The following PCIF1 variants were observed in gnomAD, a reference collection of about 807,000 sequenced individuals.
PCIF1 encodes the protein mRNA (2'-O-methyladenosine-N(6)-)-methyltransferase.
A neutral mutation model predicts 86.9 loss-of-function variants in PCIF1; 12 were observed. The ratio of observed to expected loss-of-function variants is 0.14; its 90% CI spans 0.09 to 0.22. The LOEUF is 0.22. PCIF1 is among the 10% of genes least tolerant of loss of function. PCIF1 has a pLI of 1.00. For missense variants in PCIF1, 701 were observed against 951.1 expected (o/e 0.74, Z 3.46); for synonymous variants, 397 against 372.0 (o/e 1.07, Z -0.77).
chr20:45,938,442 C>A (rs1227955426), intron 2 of PCIF1, among the ~76,000 whole-genome samples: 1 of 152,194 alleles, frequency 6.6e-6, no homozygotes, highest in Non-Finnish European at 1.5e-5. Flanking sequence ...AATCGCTTCT[C>A]AAGGGCAGAC....
rs760119039 is a variant in PCIF1 at position 45,934,783 on chromosome 20, C to T, written c.-209C>T. 1.5e-4 allele frequency: 59 copies of T among 398,162 alleles called. No homozygotes were observed. The highest frequency in any genetic ancestry group is 2.4e-4 in the Non-Finnish European group (54 of 225,772). 24.7% of individuals were successfully genotyped at this position (398,162 alleles called of 1,614,324 possible). On this transcript the variant is annotated 5_prime_UTR_variant, in exon 1 of 17. Coordinates refer to ENST00000372409, the MANE Select transcript of PCIF1 (RefSeq NM_022104.4). ...GTCGAGCAGAACGTGTAGCCGCGTC[C>T]CCTCCAGTCCGCTCCGGGCAGGTAA...
rs2083495301 is a variant in PCIF1 at position 45,943,556 on chromosome 20, A to AC, written c.906-109dup. On this transcript the variant is annotated intron_variant, in intron 9 of 16. Coordinates refer to ENST00000372409, the MANE Select transcript of PCIF1 (RefSeq NM_022104.4). This position sits in a 1 kb window ranked among gnomAD's most constrained non-coding sequence, Gnocchi z 5.5. ...AGTGGGGCCAGCTCCCAAAGGCAGAACAAGGGCTGTGATGGAAGCTAGGGG... is the reference window on the plus strand; with the variant it reads ...AGTGGGGCCAGCTCCCAAAGGCAGAACCAAGGGCTGTGATGGAAGCTAGGGG... 8.9e-6 allele frequency: 12 copies of AC among 1,355,814 alleles called. No individual in the cohort carries two copies. The highest frequency in any genetic ancestry group is 1.0e-5 in the Non-Finnish European group (10 of 976,550). The allele number at this position is 1,355,814 out of a possible 1,614,324, so 84.0% of individuals were successfully genotyped here. A position where few individuals can be genotyped will look rare whatever the true frequency, so the allele number is the denominator to read the frequency against.
In PCIF1 at chr20:45,939,278, T is replaced by A. The variant is rs923767404; in HGVS notation, c.188T>A (p.Phe63Tyr). The A allele has an allele frequency of 1.4e-5, 22 of 1,613,716 alleles. No homozygotes were observed. The highest frequency in any genetic ancestry group is 1.7e-5 in the Non-Finnish European group (20 of 1,180,004). ...WSRRENRPYY[F>Y]NRFTNQSLWE... ...CGGAGGGAGAATCGTCCCTACTACT[T>A]CAACCGATTCACCAACCAGTCCCTG... The change falls in exon 4 of 17, where the codon TTC becomes TAC. Residue 63 changes from phenylalanine (F) to tyrosine (Y), a missense_variant. Coordinates refer to ENST00000372409, the MANE Select transcript of PCIF1 (RefSeq NM_022104.4).
At chr20:45,945,470 G>C (rs1568796310) in intron 11 of PCIF1, among the ~76,000 whole-genome samples, 1 of 152,224 alleles carries the variant, frequency 6.6e-6, no homozygotes, top group South Asian at 2.1e-4. Flanking sequence ...ACAGCCCAAG[G>C]CACGGCATAC....
In PCIF1 at chr20:45,942,067, C is replaced by T. The variant is rs527901264; in HGVS notation, c.673+860C>T. ...CTCGGCTCACTGCAACCTCCACCTC[C>T]CGGGTTCAAGCGATTCTTCTGCCTC... is the stretch of plus-strand genomic sequence containing the variant. On this transcript the variant is annotated intron_variant, in intron 7 of 16. Transcript: ENST00000372409. Among the ~76,000 whole-genome samples, 950 of 151,022 alleles carry T rather than the reference C, an allele frequency of 6.3e-3. 4 individuals carry two copies. Among genetic ancestry groups the T allele is most frequent in the Non-Finnish European group, 8.4e-3 (570 of 67,774 alleles).
rs1249499820 is a variant in PCIF1, at chr20:45,947,002, G to C, written c.1614-71G>C. The C allele has an allele frequency of 4.1e-5, 55 of 1,334,780 alleles. 1 individual carries two copies. Among genetic ancestry groups the C allele is most frequent in the Non-Finnish European group, 5.6e-5 (53 of 950,224 alleles). 82.7% of individuals were successfully genotyped at this position (1,334,780 alleles called of 1,614,324 possible). On this transcript the variant is annotated intron_variant, in intron 14 of 16. Transcript: ENST00000372409. The surrounding 1 kb of genome is among the most constrained non-coding windows in gnomAD (Gnocchi z 5.4). ...TCTTCAGTGTGGCTGCCTAGGGTTG[G>C]GGGGTGGCACCTGTTTCTGGTTGAG...
In PCIF1 at chr20:45,944,885, G is replaced by A. The variant is rs745384165; in HGVS notation, c.1023G>A (p.Leu341=). The change falls in exon 11 of 17, where the codon CTG becomes CTA. Residue 341 remains leucine, a synonymous_variant. Transcript: ENST00000372409. ...TCCTCTAGGATCGCCTGGAGCATCT[G>A]CGGAGGCAGTGTGGCCCCCACGTCT... is the stretch of plus-strand genomic sequence containing the variant. ...KEDYMDRLEH[L]RRQCGPHVSA... 2 of 1,613,860 alleles carry A rather than the reference G, an allele frequency of 1.2e-6. No individual in the cohort carries two copies. Among genetic ancestry groups the A allele is most frequent in the Non-Finnish European group, 8.5e-7 (1 of 1,179,888 alleles).
Position 45,943,191 on chromosome 20 carries a change from A to G in PCIF1, c.768A>G (p.Glu256=), listed in dbSNP as rs565847900. 2 of 1,614,108 alleles carry G rather than the reference A, an allele frequency of 1.2e-6. No homozygotes were observed. The highest frequency in any genetic ancestry group is 1.7e-5 in the Admixed American group (1 of 60,008). Residue 256 remains glutamate (E), a synonymous_variant, in exon 8 of 17, where the codon GAA becomes GAG. Coordinates refer to ENST00000372409, the MANE Select transcript of PCIF1 (RefSeq NM_022104.4). This position sits in a 1 kb window ranked among gnomAD's most constrained non-coding sequence, Gnocchi z 5.5. ...GSDPLLPSNC[E]PVVSPSMFRE... ...ACCCCCTGTTGCCCAGCAACTGTGA[A>G]CCAGTCGTGTCACCTTCCATGTTTC...
Position 45,946,063 on chromosome 20 carries a change from C to G in PCIF1, c.1376C>G (p.Ser459Cys), listed in dbSNP as rs764873141. The change falls in exon 13 of 17, where the codon TCT (serine) becomes TGT (cysteine). Residue 459 changes from serine (S) to cysteine (C), a missense_variant. Transcript: ENST00000372409. ...TACCGCTACAGCTGCATTGATGACT[C>G]TGCCTTTGAGAGGTTCCTGCCCCGG... ...LLYRYSCIDD[S>C]AFERFLPRVW... 1.2e-6 allele frequency: 2 copies of G among 1,614,200 alleles called. No individual in the cohort carries two copies. Among genetic ancestry groups the G allele is most frequent in the Non-Finnish European group, 1.7e-6 (2 of 1,180,036 alleles).
intron 4 of PCIF1, 39 bp downstream of exon 4, chr20:45,939,378 C>G (rs767219580): frequency 6.2e-7 from 1 of 1,609,906 alleles, no homozygotes; most frequent in Admixed American, 1.7e-5. Context: ...TCAGAGTGGC[C>G]TCTGGCACCT....
Position 45,934,691 on chromosome 20 carries a change from C to G in PCIF1, c.-301C>G. On this transcript the variant is annotated 5_prime_UTR_variant, in exon 1 of 17. Transcript: ENST00000372409. ...ACCAGCGCATGCGCAGCGCGGAGTC[C>G]CGGCCCGGGACACAAGATGGCGGCA... is the stretch of plus-strand genomic sequence containing the variant. The G allele has an allele frequency of 2.5e-6, 1 of 398,578 alleles. No homozygotes were observed. 24.7% of individuals were successfully genotyped at this position (398,578 alleles called of 1,614,324 possible). A position where few individuals can be genotyped will look rare whatever the true frequency, so the allele number is the denominator to read the frequency against.
Position 45,947,978 on chromosome 20 carries a change from C to T in PCIF1, c.*223C>T. 1 of 1,525,914 alleles carries T rather than the reference C, an allele frequency of 6.6e-7. No homozygotes were observed. Among genetic ancestry groups the T allele is most frequent in the Non-Finnish European group, 8.8e-7 (1 of 1,140,160 alleles). The allele number at this position is 1,525,914 out of a possible 1,614,324, so 94.5% of individuals were successfully genotyped here. A position where few individuals can be genotyped will look rare whatever the true frequency, so the allele number is the denominator to read the frequency against. On this transcript the variant is annotated 3_prime_UTR_variant, in exon 17 of 17. Transcript: ENST00000372409. The surrounding 1 kb of genome is among the most constrained non-coding windows in gnomAD (Gnocchi z 5.4). ...CCAACCCCGCCCCTCACCCTGTTGC[C>T]ACCTTGTTTCATTTGTAAAAGGAAA...
rs758774209 is a variant in PCIF1 at position 45,946,073 on chromosome 20, G to A, written c.1386G>A (p.Glu462=). The A allele has an allele frequency of 2.4e-5, 38 of 1,614,076 alleles. No homozygotes were observed. The highest frequency in any genetic ancestry group is 3.0e-5 in the Non-Finnish European group (35 of 1,180,024). The change falls in exon 13 of 17, where the codon GAG becomes GAA. Residue 462 remains glutamate (E), a synonymous_variant. Transcript: ENST00000372409. ...GCTGCATTGATGACTCTGCCTTTGA[G>A]AGGTTCCTGCCCCGGGTCTGGTGTC... ...RYSCIDDSAF[E]RFLPRVWCLL...
intron 1 of PCIF1, among the ~76,000 whole-genome samples, chr20:45,936,551 T>G (rs1232113498): frequency 2.6e-5 from 4 of 151,720 alleles, no homozygotes; most frequent in Non-Finnish European, 5.9e-5. Context: ...AGTGGCATGA[T>G]CATACTTCAC....
chr20:45,940,368 T>C (rs2083458850), intron 4 of PCIF1, 107 bp from the exon 5 acceptor site: 1 of 1,354,674 alleles, frequency 7.4e-7, no homozygotes, highest in South Asian at 1.7e-5. Context: ...GCTCCTCTGC[T>C]CTTCCCTAAG....
chr20:45,939,058 C>G lies in PCIF1; in HGVS notation c.59C>G (p.Pro20Arg). The G allele has an allele frequency of 6.2e-7, 1 of 1,614,056 alleles. No homozygotes were observed. Among genetic ancestry groups the G allele is most frequent in the Non-Finnish European group, 8.5e-7 (1 of 1,179,984 alleles). ...GAAGCGTCCCTGCTGAGTCACTCCCCAGGTACCTCCAATCAGAGCCAGCCC... is the reference window on the plus strand; with the variant it reads ...GAAGCGTCCCTGCTGAGTCACTCCCGAGGTACCTCCAATCAGAGCCAGCCC... ...REEASLLSHS[P>R]GTSNQSQPCS... The change falls in exon 3 of 17, where the codon CCA becomes CGA. Residue 20 changes from proline (P) to arginine (R), a missense_variant. By Grantham distance (103) the Pro-to-Arg change is moderately radical. Coordinates refer to ENST00000372409, the MANE Select transcript of PCIF1 (RefSeq NM_022104.4).
chr20:45,944,500 C>T (rs2083503520), intron 10 of PCIF1, among the ~76,000 whole-genome samples: 1 of 152,238 alleles, frequency 6.6e-6, no homozygotes, highest in Admixed American at 6.5e-5. Context: ...ACTGCAAACA[C>T]CATAAGCTGG....
intron 1 of PCIF1, among the ~76,000 whole-genome samples, chr20:45,937,042 C>T (rs533019693): frequency 2.8e-4 from 1 of 3,520 alleles, no homozygotes; most frequent in Admixed American, 8.9e-4. Flanking sequence ...GCCAAAGCCA[C>T]GTGCCCAGCC....
chr20:45,946,486 GTCCCT>G, intron 14 of PCIF1, 102 bp downstream of exon 14: 6 of 1,355,498 alleles, frequency 4.4e-6, no homozygotes, highest in South Asian at 1.3e-5. Context: ...CTTGGGTGGA[GTCCCT>G]GCCTCCACCT....
Sources: allele counts gnomAD v4.1 joint callset (sites outside exome capture counted in the v4.1 genomes callset), GRCh38; gene constraint gnomAD v4.1.1; non-coding constraint Gnocchi (gnomAD v3.1); transcripts MANE v1.5; gene names NCBI Gene and HGNC (gene_info 2026-07-23, HGNC 2026-07-21).